The following ANKRD10 variants were observed in gnomAD, a reference collection of about 807,000 sequenced individuals.
ANKRD10 encodes ankyrin repeat domain 10.
ANKRD10 carries 14 observed loss-of-function variants against 27.0 expected under a neutral mutation model. The ratio of observed to expected loss-of-function variants is 0.52; its 90% CI spans 0.34 to 0.81. The LOEUF (loss-of-function observed/expected upper bound fraction) is 0.81. Ranked by LOEUF, ANKRD10 falls within the 40% of genes least tolerant of loss-of-function variation. The probability of loss-of-function intolerance (pLI) is 0.01; values close to 1 mark genes in which losing one functional copy is unlikely to be tolerated. For synonymous variants in ANKRD10, 250 were observed against 224.5 expected (o/e 1.11, Z -1.01); for missense variants, 493 against 544.0 (o/e 0.91, Z 0.93).
intron 4 of ANKRD10, among the ~76,000 whole-genome samples, chr13:110,890,929 C>T (rs1271624354): frequency 6.6e-6 from 1 of 152,084 alleles, no homozygotes; most frequent in African/African-American, 2.4e-5. Flanking sequence ...ATGTAGTTAA[C>T]GAGGATTAGG....
chr13:110,906,561 CCTACCCCAATG>C (rs1484611940), intron 2 of ANKRD10, among the ~76,000 whole-genome samples: 1 of 152,152 alleles, frequency 6.6e-6, no homozygotes. Flanking sequence ...TTCCTCTGTG[CCTACCCCAATG>C]CTAACCCGAG....
At chr13:110,894,253 G>C (rs1353669998) in intron 3 of ANKRD10, 1 of 1,277,434 alleles carries the variant, frequency 7.8e-7, no homozygotes, top group African/African-American at 1.5e-5. Context: ...ACAAACGGGA[G>C]AAGTACTTAA....
At chr13:110,886,722 G>T (rs1005239470) in intron 4 of ANKRD10, among the ~76,000 whole-genome samples, 1 of 152,130 alleles carries the variant, frequency 6.6e-6, no homozygotes, top group Non-Finnish European at 1.5e-5. Context: ...ATTACACCTT[G>T]CATTTGAGAA....
chr13:110,896,254 A>G (rs928035219), intron 3 of ANKRD10, among the ~76,000 whole-genome samples: 3 of 152,270 alleles, frequency 2.0e-5, no homozygotes, highest in Non-Finnish European at 4.4e-5. Flanking sequence ...ATGCAGCATT[A>G]TCGGAAACAG....
intron 2 of ANKRD10, among the ~76,000 whole-genome samples, chr13:110,907,032 G>C (rs1256008111): frequency 6.6e-6 from 1 of 152,182 alleles, no homozygotes; most frequent in Non-Finnish European, 1.5e-5. Flanking sequence ...GTGCTTTCCG[G>C]TGGAAAATGA....
intron 3 of ANKRD10, among the ~76,000 whole-genome samples, chr13:110,903,182 T>TG (rs1474661534): frequency 2.6e-5 from 4 of 152,178 alleles, no homozygotes; most frequent in Non-Finnish European, 5.9e-5. Context: ...ACTCAAATAT[T>TG]GGGGGCAGTG....
intron 3 of ANKRD10, chr13:110,895,109 T>C (rs1366849454): frequency 6.6e-6 from 1 of 152,194 alleles, no homozygotes; most frequent in African/African-American, 2.4e-5. Context: ...GTTTACAAAC[T>C]GATTATTTCT....
At chr13:110,894,356 A>C (rs1458489983) in intron 3 of ANKRD10, 1 of 347,348 alleles carries the variant, frequency 2.9e-6, no homozygotes, top group East Asian at 4.3e-5. Context: ...TGTCACTCAA[A>C]CAACCACTCC....
At chr13:110,902,291 A>G (rs763055699) in intron 3 of ANKRD10, among the ~76,000 whole-genome samples, 1 of 152,234 alleles carries the variant, frequency 6.6e-6, no homozygotes, top group Non-Finnish European at 1.5e-5. Context: ...AAATGAATTT[A>G]ACACTAATAT....
intron 2 of ANKRD10, among the ~76,000 whole-genome samples, chr13:110,909,123 T>C (rs1177964801): frequency 1.3e-5 from 2 of 152,198 alleles, no homozygotes; most frequent in Admixed American, 6.5e-5. Context: ...GCTTCTTGAT[T>C]TAAAAAGGTC....
intron 3 of ANKRD10, chr13:110,898,921 A>G (rs2065306973): frequency 6.6e-6 from 1 of 151,790 alleles, no homozygotes; most frequent in South Asian, 2.1e-4. Flanking sequence ...ACACCCAGCT[A>G]ATTTTTTGTA....
At chr13:110,893,379 A>C in intron 3 of ANKRD10, 116 bp from the exon 4 acceptor site, 1 of 915,630 alleles carries the variant, frequency 1.1e-6, no homozygotes, top group Non-Finnish European at 1.6e-6. Context: ...AATTCATAGC[A>C]AATCTTCATT....
intron 4 of ANKRD10, among the ~76,000 whole-genome samples, chr13:110,890,127 A>G (rs1232959135): frequency 6.6e-6 from 1 of 152,236 alleles, no homozygotes; most frequent in Non-Finnish European, 1.5e-5. Flanking sequence ...ACACACATTT[A>G]AACAAAATCA....
chr13:110,905,576 G>A (rs554843777), intron 3 of ANKRD10, among the ~76,000 whole-genome samples: 1 of 152,294 alleles, frequency 6.6e-6, no homozygotes, highest in South Asian at 2.1e-4. Context: ...CTGCTAAGAC[G>A]TGGAAATCAA....
intron 3 of ANKRD10, chr13:110,893,964 C>T (rs570631275): frequency 5.1e-6 from 3 of 587,962 alleles, no homozygotes; most frequent in South Asian, 4.4e-5. Flanking sequence ...CTACCACTCA[C>T]AAGAACCAAA....
At chr13:110,885,354 C>T (rs148180397) in intron 4 of ANKRD10, among the ~76,000 whole-genome samples, 2 of 152,090 alleles carry the variant, frequency 1.3e-5, no homozygotes, top group Non-Finnish European at 2.9e-5. Flanking sequence ...AGATCGAGAC[C>T]GTCCTGGCCA....
chr13:110,914,242 G>T lies in ANKRD10; in HGVS notation c.210+483C>A, dbSNP rs553008928. Among the ~76,000 whole-genome samples the T allele has an allele frequency of 3.3e-5, 5 of 152,218 alleles. No homozygotes were observed. In the South Asian group the frequency reaches 1.0e-3, roughly 32 times the overall value. The stretch of plus-strand genomic sequence containing the variant: ...GCTGTGCGGAACCAGAAGGTCGACC[G>T]CGCCCGGGCATTCCCCGCGCGCCTC... On this transcript the variant is annotated intron_variant, in intron 1 of 5. Coordinates refer to ENST00000267339, the MANE Select transcript of ANKRD10 (RefSeq NM_017664.4).
intron 1 of ANKRD10, among the ~76,000 whole-genome samples, chr13:110,913,546 G>T (rs889823221): frequency 2.0e-5 from 3 of 152,158 alleles, no homozygotes; most frequent in South Asian, 2.1e-4. Flanking sequence ...TTTATTGAAA[G>T]AAAAGTGACT....
chr13:110,887,957 T>C (rs532108690), intron 4 of ANKRD10, among the ~76,000 whole-genome samples: 3 of 152,240 alleles, frequency 2.0e-5, no homozygotes, highest in African/African-American at 7.2e-5. Context: ...CCACCAGCCA[T>C]TACCTGGAAC....
Sources: allele counts gnomAD v4.1 joint callset (sites outside exome capture counted in the v4.1 genomes callset), GRCh38; gene constraint gnomAD v4.1.1; transcripts MANE v1.5; gene names NCBI Gene and HGNC (gene_info 2026-07-23, HGNC 2026-07-21).